SYNE2: variants seen among roughly 807,000 people sequenced by gnomAD.
SYNE2 encodes the protein nesprin-2.
In SYNE2, 431 loss-of-function variants were observed where a neutral mutation model predicts 856.3. The ratio of observed to expected loss-of-function variants is 0.50; its 90% CI spans 0.47 to 0.55. The LOEUF is 0.55. SYNE2 is among the 20% of genes least tolerant of loss of function. SYNE2 has a pLI of 0.00. For synonymous variants in SYNE2, 2,923 were observed against 2,872.3 expected, an observed-to-expected ratio of 1.02 and a Z score of -0.56; for missense variants, 8,129 against 8,023.2, an observed-to-expected ratio of 1.01 and a Z score of -0.50.
chr14:64,094,643 T>A (rs2097661489), intron 61 of SYNE2, among the ~76,000 whole-genome samples: 1 of 151,916 alleles, frequency 6.6e-6, no homozygotes, highest in Non-Finnish European at 1.5e-5. Flanking sequence ...TACAGGAGAG[T>A]GCAAGATGAC....
rs199519431 is a variant in SYNE2, at chr14:64,010,458, A to C, written c.4728+342A>C. ...TCATTGCAGGCTTGACAGAAGGAAG[A>C]CGGTGGGAAAATCCTCTCTGTTGTT... On this transcript the variant is annotated intron_variant, in intron 32 of 115. Coordinates refer to ENST00000555002, the MANE Select transcript of SYNE2 (RefSeq NM_182914.3). Among the ~76,000 whole-genome samples, 842 of 152,204 alleles carry C rather than the reference A, an allele frequency of 5.5e-3. 5 individuals are homozygous for C. Among genetic ancestry groups the C allele is most frequent in the African/African-American group, 0.02 (812 of 41,484 alleles).
intron 2 of SYNE2, among the ~76,000 whole-genome samples, chr14:63,935,891 T>C (rs1041638967): frequency 1.3e-5 from 2 of 152,164 alleles, no homozygotes; most frequent in Non-Finnish European, 2.9e-5. Context: ...ATTATTATTA[T>C]TGAGACGGAG....
At chr14:63,849,240 G>C (rs1218228426), upstream of SYNE2, among the ~76,000 whole-genome samples, 3 of 150,864 alleles carry the variant, frequency 2.0e-5, no homozygotes, top group Non-Finnish European at 4.4e-5. Context: ...GCATAACAAG[G>C]AGTGTTTAGC....
intron 96 of SYNE2, among the ~76,000 whole-genome samples, chr14:64,182,277 A>G (rs1170111272): frequency 6.6e-6 from 1 of 152,252 alleles, no homozygotes; most frequent in African/African-American, 2.4e-5. Context: ...TTCTTGTGGT[A>G]TAGATAATTT....
chr14:64,070,344 A>G (rs893743238), intron 51 of SYNE2, among the ~76,000 whole-genome samples: 1 of 152,212 alleles, frequency 6.6e-6, no homozygotes, highest in Non-Finnish European at 1.5e-5. Context: ...CTCAGGAGAA[A>G]TGTTGCTTTA....
Position 64,210,006 on chromosome 14 carries a change from G to A in SYNE2, c.18605G>A (p.Arg6202Gln), listed in dbSNP as rs1003769996. The part of the protein sequence containing the change: ...QLELINKQYR[R>Q]LARENRTDTA... ...GAGCTCATCAACAAGCAGTACCGGC[G>A]GCTGGCCCGGGAGAACCGCACAGAC... Residue 6202 changes from arginine to glutamine, a missense_variant, in exon 103 of 116, where the codon CGG (arginine) becomes CAG (glutamine). By Grantham distance (43) the Arg-to-Gln change is conservative. Transcript: ENST00000555002. The A allele has an allele frequency of 4.3e-6, 7 of 1,614,076 alleles. No individual in the cohort carries two copies. Among genetic ancestry groups the A allele is most frequent in the East Asian group, 2.2e-5 (1 of 44,882 alleles).
chr14:63,894,472 G>C (rs964952849), intron 1 of SYNE2, among the ~76,000 whole-genome samples: 1 of 151,968 alleles, frequency 6.6e-6, no homozygotes, highest in Non-Finnish European at 1.5e-5. Context: ...TCCTCCTGCC[G>C]TGGCCTCCAA....
chr14:64,215,472 T>A (rs773535009), intron 107 of SYNE2, 118 bp downstream of exon 107: 19 of 1,005,466 alleles, frequency 1.9e-5, no homozygotes, highest in Non-Finnish European at 3.0e-5. Flanking sequence ...TGCGCCTTGG[T>A]CCTTGTGTCA....
In SYNE2 at chr14:64,100,525, AAAAAAAATATATATATATATATATAT is replaced by A. The variant is rs2097714571; in HGVS notation, c.12382-1405_12382-1380del. Among the ~76,000 whole-genome samples, 2 of 70,156 alleles carry A rather than the reference AAAAAAAATATATATATATATATATAT, an allele frequency of 2.9e-5. 1 individual carries two copies. 46.0% of individuals were successfully genotyped at this position (70,156 alleles called of 152,430 possible). On this transcript the variant is annotated intron_variant, in intron 63 of 115. Coordinates refer to ENST00000555002, the MANE Select transcript of SYNE2 (RefSeq NM_182914.3). ...GAGCAAAACTGTCTCAAAAAAAAAA[AAAAAAAATATATATATATATATATAT>A]ATATATATATATATATATATTTATG...
chr14:63,981,157 A>C lies in SYNE2; in HGVS notation c.1820A>C (p.Lys607Thr), dbSNP rs762055738. The C allele has an allele frequency of 2.5e-6, 4 of 1,613,538 alleles. No homozygotes were observed. The African/African-American group carries it at 5.3e-5, about 22-fold the overall frequency. Residue 607 changes from lysine to threonine, a missense_variant, in exon 16 of 116, where the codon AAG (lysine) becomes ACG (threonine). Physicochemically the swap from Lys to Thr is moderately conservative, Grantham distance 78. Coordinates refer to ENST00000555002, the MANE Select transcript of SYNE2 (RefSeq NM_182914.3). The stretch of plus-strand genomic sequence containing the variant: ...AGGGCTTGCTTTGAGGAGACAAAGA[A>C]GGAAGAAATTAAAGAGGTATTTGCA... ...LLRACFEETK[K>T]EEIKEVPFET...
intron 88 of SYNE2, chr14:64,162,513 G>T (rs1307391948): frequency 3.6e-6 from 2 of 558,754 alleles, no homozygotes; most frequent in Non-Finnish European, 6.5e-6. Flanking sequence ...TTCCAAGTCT[G>T]TGCTTTCTCT....
chr14:63,787,899 T>C (rs768680208), intron 1 of SYNE2, among the ~76,000 whole-genome samples: 25 of 152,194 alleles, frequency 1.6e-4, no homozygotes, highest in Non-Finnish European at 2.8e-4. Flanking sequence ...GGAGCCTGTC[T>C]GCATCCCACT....
chr14:64,151,310 G>A (rs949781753), intron 84 of SYNE2, among the ~76,000 whole-genome samples: 25 of 151,544 alleles, frequency 1.6e-4, no homozygotes, highest in South Asian at 6.2e-4. Flanking sequence ...GCTAGCACAA[G>A]GGAGCTTGTC....
chr14:64,182,663 C>T (rs2098464242), intron 96 of SYNE2, among the ~76,000 whole-genome samples: 1 of 152,122 alleles, frequency 6.6e-6, no homozygotes, highest in Admixed American at 6.5e-5. Flanking sequence ...CCATTTAATC[C>T]TGAGTGGACA....
At chr14:64,034,725 C>T (rs1423030323) in intron 45 of SYNE2, 2 of 396,598 alleles carry the variant, frequency 5.0e-6, no homozygotes, top group African/African-American at 2.1e-5. Context: ...TACCATACTG[C>T]ATATTTTTAT....
intron 97 of SYNE2, 131 bp downstream of exon 97, chr14:64,186,710 G>A (rs912284940): frequency 1.1e-5 from 13 of 1,194,186 alleles, no homozygotes; most frequent in Middle Eastern, 2.7e-4. Flanking sequence ...TGGCCCGGCC[G>A]CTGCTCCTTT....
chr14:63,912,347 GA>G (rs113258245), intron 2 of SYNE2, among the ~76,000 whole-genome samples: 10 of 146,898 alleles, frequency 6.8e-5, no homozygotes, highest in Non-Finnish European at 1.1e-4. Flanking sequence ...AGCTATTTGA[GA>G]AAAAAAAAAG....
intron 66 of SYNE2, among the ~76,000 whole-genome samples, chr14:64,117,910 C>T (rs898969115): frequency 3.3e-5 from 5 of 152,164 alleles, no homozygotes; most frequent in African/African-American, 1.2e-4. Context: ...GCAATTTTAT[C>T]ACGCTACTCA....
intron 9 of SYNE2, among the ~76,000 whole-genome samples, chr14:63,962,589 C>T (rs1248276588): frequency 6.6e-6 from 1 of 152,130 alleles, no homozygotes; most frequent in Non-Finnish European, 1.5e-5. Context: ...TACTCTTAAT[C>T]CCTATTTGTT....
Sources: allele counts gnomAD v4.1 joint callset (sites outside exome capture counted in the v4.1 genomes callset), GRCh38; gene constraint gnomAD v4.1.1; transcripts MANE v1.5; gene names NCBI Gene and HGNC (gene_info 2026-07-23, HGNC 2026-07-21).